Variants in RIMS2 observed in about 807,000 individuals in gnomAD.
The protein encoded by RIMS2 is regulating synaptic membrane exocytosis 2.
Under a neutral mutation model 174.4 loss-of-function variants are expected in RIMS2, and 59 were observed. That is an observed-to-expected ratio of 0.34 (90% CI 0.27 to 0.42). The LOEUF (loss-of-function observed/expected upper bound fraction) is 0.42, where lower values mean the gene tolerates loss of function less well. Ranked by LOEUF, RIMS2 falls within the 10% of genes least tolerant of loss-of-function variation. The pLI is 1.00. For missense variants in RIMS2, 1,620 were observed against 1,666.3 expected, an observed-to-expected ratio of 0.97 and a Z score of 0.48; for synonymous variants, 606 against 572.5, an observed-to-expected ratio of 1.06 and a Z score of -0.84.
intron 19 of RIMS2, among the ~76,000 whole-genome samples, chr8:104,138,635 T>C (rs1377621240): frequency 6.6e-6 from 1 of 152,126 alleles, no homozygotes; most frequent in Non-Finnish European, 1.5e-5. Context: ...CATTTTTTCC[T>C]GTTGACTGAA....
intron 17 of RIMS2, among the ~76,000 whole-genome samples, chr8:103,993,776 C>T (rs2094883094): frequency 6.6e-6 from 1 of 151,968 alleles, no homozygotes; most frequent in Admixed American, 6.6e-5. Flanking sequence ...CCTGTAATGC[C>T]AGAACTTTGG....
chr8:103,583,744 C>G (rs2093746168), intron 1 of RIMS2, among the ~76,000 whole-genome samples: 1 of 152,026 alleles, frequency 6.6e-6, no homozygotes, highest in African/African-American at 2.4e-5. Flanking sequence ...GAAAAACAAA[C>G]AAACAATCAA....
chr8:104,046,167 C>A (rs1346384463), intron 19 of RIMS2, among the ~76,000 whole-genome samples: 1 of 151,988 alleles, frequency 6.6e-6, no homozygotes, highest in Non-Finnish European at 1.5e-5. Context: ...GATCAAGGCA[C>A]CAACAAATTT....
intron 2 of RIMS2, among the ~76,000 whole-genome samples, chr8:103,722,156 G>A (rs147327298): frequency 0.01 from 1,531 of 152,020 alleles, 28 homozygotes; most frequent in African/African-American, 0.035. Flanking sequence ...GATCACTTGA[G>A]GCCAGGAGCT....
rs538432287 is a variant in RIMS2 at position 103,952,273 on chromosome 8, G to A, written c.2702-8792G>A. ...TTTGAGCTCCGATAAGGGACAGACT[G>A]CCTCCTCAAGTGGGTCCCTGACCCC... is the stretch of plus-strand genomic sequence containing the variant. On this transcript the variant is annotated intron_variant, in intron 14 of 23. Transcript: ENST00000504942. 1.6e-4 allele frequency among the ~76,000 whole-genome samples: 24 copies of A among 152,320 alleles called. No individual in the cohort carries two copies. In the East Asian group the frequency reaches 4.4e-3, roughly 28 times the overall value.
intron 1 of RIMS2, among the ~76,000 whole-genome samples, chr8:103,665,986 A>C (rs2136221865): frequency 6.6e-6 from 1 of 152,280 alleles, no homozygotes; most frequent in East Asian, 1.9e-4. Flanking sequence ...TACATATTTC[A>C]GTTGACTTGT....
intron 19 of RIMS2, among the ~76,000 whole-genome samples, chr8:104,131,851 C>T (rs10098013): frequency 0.51 from 77,037 of 151,898 alleles, 20,940 homozygotes; most frequent in East Asian, 0.92. Context: ...TTTATGTAAA[C>T]TGGATTGATT....
intron 17 of RIMS2, among the ~76,000 whole-genome samples, chr8:104,000,473 G>A (rs916213524): frequency 6.6e-6 from 1 of 151,730 alleles, no homozygotes; most frequent in South Asian, 2.1e-4. Context: ...TGGACAATTA[G>A]GTTGATTCCA....
intron 19 of RIMS2, among the ~76,000 whole-genome samples, chr8:104,237,328 T>G (rs1337419914): frequency 6.6e-6 from 1 of 152,138 alleles, no homozygotes. Context: ...CTAAAAATAT[T>G]AATGGCTTAA....
chr8:103,690,243 C>T (rs1431807292), intron 1 of RIMS2, among the ~76,000 whole-genome samples: 2 of 152,150 alleles, frequency 1.3e-5, no homozygotes, highest in Non-Finnish European at 2.9e-5. Flanking sequence ...GGATTATAGT[C>T]ATGAGCCACC....
intron 19 of RIMS2, among the ~76,000 whole-genome samples, chr8:104,234,032 G>C (rs1413661814): frequency 6.6e-6 from 1 of 152,100 alleles, no homozygotes; most frequent in Non-Finnish European, 1.5e-5. Flanking sequence ...TTTTTTTCTG[G>C]AGATTTATGA....
chr8:104,053,459 A>C (rs750966130), intron 19 of RIMS2, among the ~76,000 whole-genome samples: 3 of 152,202 alleles, frequency 2.0e-5, no homozygotes, highest in Non-Finnish European at 4.4e-5. Context: ...TGGGAGATTC[A>C]GTATAAGAAC....
At chr8:103,980,609 C>T (rs1488488715) in intron 16 of RIMS2, among the ~76,000 whole-genome samples, 1 of 152,098 alleles carries the variant, frequency 6.6e-6, no homozygotes, top group Non-Finnish European at 1.5e-5. Context: ...TGGGTTAGAG[C>T]AAAAAGCAGG....
chr8:104,250,671 T>C (rs2140290842), intron 22 of RIMS2, among the ~76,000 whole-genome samples: 1 of 152,274 alleles, frequency 6.6e-6, no homozygotes, highest in South Asian at 2.1e-4. Context: ...AATGAAACAA[T>C]ATAGCTTCAA....
intron 1 of RIMS2, among the ~76,000 whole-genome samples, chr8:103,549,360 G>C (rs201920574): frequency 1.5e-3 from 231 of 152,060 alleles, no homozygotes; most frequent in African/African-American, 5.2e-3. Context: ...ATTTCATATC[G>C]AGCCAAACTA....
chr8:103,900,055 C>T (rs550067393), intron 4 of RIMS2, among the ~76,000 whole-genome samples: 1 of 151,656 alleles, frequency 6.6e-6, no homozygotes, highest in South Asian at 2.1e-4. Context: ...TTTCTGAGGG[C>T]TCTGTTCTGT....
intron 19 of RIMS2, among the ~76,000 whole-genome samples, chr8:104,226,053 C>T (rs958717650): frequency 2.0e-5 from 3 of 152,088 alleles, no homozygotes; most frequent in African/African-American, 7.2e-5. Context: ...TTGAGACACC[C>T]ACACAGGATA....
At chr8:103,695,924 G>A (rs904767898) in intron 1 of RIMS2, among the ~76,000 whole-genome samples, 1 of 152,004 alleles carries the variant, frequency 6.6e-6, no homozygotes, top group African/African-American at 2.4e-5. Context: ...GGCAGACTAG[G>A]GGCATGTGTT....
intron 1 of RIMS2, among the ~76,000 whole-genome samples, chr8:103,551,157 T>A (rs1365353791): frequency 6.6e-6 from 1 of 152,126 alleles, no homozygotes; most frequent in Admixed American, 6.5e-5. Flanking sequence ...AAAAGAGAAT[T>A]TTAGACCAAT....
Sources: gnomAD v4.1 joint callset for allele counts (sites outside exome capture counted in the v4.1 genomes callset) on GRCh38, gnomAD v4.1.1 for gene constraint, MANE v1.5 for transcripts, NCBI Gene and HGNC (gene_info 2026-07-23, HGNC 2026-07-21) for gene names.